Variants in CELF2 observed in about 807,000 individuals in gnomAD.
CELF2 encodes CUG triplet repeat RNA-binding protein 2.
CELF2 carries 8 observed loss-of-function variants against 62.6 expected under a neutral mutation model. That is an observed-to-expected ratio of 0.13 (90% CI 0.07 to 0.23). The LOEUF (loss-of-function observed/expected upper bound fraction) is 0.23. CELF2 is among the 10% of genes least tolerant of loss of function. The probability of loss-of-function intolerance (pLI) is 1.00; values close to 1 mark genes in which losing one functional copy is unlikely to be tolerated. For synonymous variants in CELF2, 258 were observed against 250.0 expected (o/e 1.03, Z -0.30); for missense variants, 333 against 671.0 (o/e 0.50, Z 5.56).
intron 2 of CELF2, among the ~76,000 whole-genome samples, chr10:11,195,856 G>A (rs931847144): frequency 3.9e-5 from 6 of 152,226 alleles, no homozygotes; most frequent in African/African-American, 1.4e-4. Context: ...ATGCCGAAGA[G>A]TGGGTGGACA....
chr10:10,815,589 A>G (rs2056379091), intron 1 of CELF2, among the ~76,000 whole-genome samples: 1 of 152,198 alleles, frequency 6.6e-6, no homozygotes, highest in Admixed American at 6.5e-5. Flanking sequence ...TTTCTAATGA[A>G]ACTAGTTTGT....
intron 1 of CELF2, among the ~76,000 whole-genome samples, chr10:10,835,570 AT>A (rs1484423287): frequency 1.3e-5 from 2 of 152,048 alleles, no homozygotes; most frequent in East Asian, 3.9e-4. Flanking sequence ...TTTAGCAGAT[AT>A]GGGGTTTCAC....
Position 11,075,864 on chromosome 10 carries a change from A to G in CELF2, c.74+57701A>G, listed in dbSNP as rs577621005. 8.5e-5 allele frequency among the ~76,000 whole-genome samples: 13 copies of G among 152,144 alleles called. No homozygotes were observed. The highest frequency in any genetic ancestry group is 1.6e-4 in the Non-Finnish European group (11 of 68,014). On this transcript the variant is annotated intron_variant, in intron 1 of 12. Coordinates refer to ENST00000633077, the MANE Select transcript of CELF2 (RefSeq NM_001326342.2). This position sits in a 1 kb window ranked among gnomAD's most constrained non-coding sequence, Gnocchi z 5.4. ...AATACTAGTAATCTGATTAATCTCAATTAATTAAAATGTTTAATAAACTGC... is the reference window on the plus strand; with the variant it reads ...AATACTAGTAATCTGATTAATCTCAGTTAATTAAAATGTTTAATAAACTGC...
At chr10:11,140,213 A>G (rs1036549413) in intron 1 of CELF2, among the ~76,000 whole-genome samples, 3 of 152,202 alleles carry the variant, frequency 2.0e-5, no homozygotes, top group Non-Finnish European at 2.9e-5. Flanking sequence ...CAAGAATTAT[A>G]TTAGATTTCA....
At chr10:10,630,327 A>G in the CELF2 span, among the ~76,000 whole-genome samples, 1 of 152,148 alleles carries the variant, frequency 6.6e-6, no homozygotes, top group Admixed American at 6.5e-5. Context: ...CACAATCTTT[A>G]CTGACTTTTT....
intron 1 of CELF2, among the ~76,000 whole-genome samples, chr10:11,066,435 AG>A (rs1432533688): frequency 1.3e-5 from 2 of 152,040 alleles, no homozygotes; most frequent in Non-Finnish European, 2.9e-5. Flanking sequence ...GAGGACCCGG[AG>A]ACTGGGAGAG....
chr10:10,688,860 T>G, the CELF2 span, among the ~76,000 whole-genome samples: 1 of 151,898 alleles, frequency 6.6e-6, no homozygotes, highest in African/African-American at 2.4e-5. Flanking sequence ...ATTAATTAGT[T>G]GGGTGTGGTG....
chr10:10,623,040 T>G, the CELF2 span, among the ~76,000 whole-genome samples: 5,226 of 128,082 alleles, frequency 0.041, 209 homozygotes, highest in African/African-American at 0.12. Flanking sequence ...GAGCCGAGAT[T>G]GCGCCACAGC....
At chr10:10,836,994 C>T (rs1194195059) in intron 1 of CELF2, among the ~76,000 whole-genome samples, 1 of 152,168 alleles carries the variant, frequency 6.6e-6, no homozygotes, top group African/African-American at 2.4e-5. Context: ...TTGAACTAAT[C>T]CTAAGTATTT....
At chr10:10,508,723 A>G in the CELF2 span, among the ~76,000 whole-genome samples, 2 of 144,304 alleles carry the variant, frequency 1.4e-5, no homozygotes, top group Non-Finnish European at 3.0e-5. Context: ...TTTTTTTGAG[A>G]TGGAGTCTCG....
At chr10:10,592,538 C>T in the CELF2 span, among the ~76,000 whole-genome samples, 2 of 152,184 alleles carry the variant, frequency 1.3e-5, no homozygotes, top group African/African-American at 4.8e-5. Context: ...GCTGGCTACT[C>T]ACGACTTCCT....
chr10:11,149,522 C>T (rs1482684264), intron 1 of CELF2, among the ~76,000 whole-genome samples: 2 of 152,116 alleles, frequency 1.3e-5, no homozygotes, highest in Non-Finnish European at 2.9e-5. Context: ...ATATGAGCCC[C>T]GTGGCCAGAG....
At chr10:11,040,817 C>A (rs1484765395) in intron 1 of CELF2, among the ~76,000 whole-genome samples, 2 of 152,022 alleles carry the variant, frequency 1.3e-5, no homozygotes, top group South Asian at 2.1e-4. Flanking sequence ...TTCAAATTAT[C>A]AAAAATATTC....
the CELF2 span, among the ~76,000 whole-genome samples, chr10:10,489,561 A>G: frequency 1.3e-5 from 2 of 152,138 alleles, no homozygotes; most frequent in Admixed American, 6.5e-5. Flanking sequence ...TGTATATTAG[A>G]AATGAATTCA....
At chr10:11,028,970 T>C (rs1401631827) in intron 1 of CELF2, among the ~76,000 whole-genome samples, 1 of 152,194 alleles carries the variant, frequency 6.6e-6, no homozygotes, top group Non-Finnish European at 1.5e-5. Flanking sequence ...CACCTTGGCC[T>C]TCCAAAGTTC....
chr10:10,512,975 C>T, the CELF2 span, among the ~76,000 whole-genome samples: 1 of 152,108 alleles, frequency 6.6e-6, no homozygotes, highest in Non-Finnish European at 1.5e-5. Flanking sequence ...AAGTCAAGGC[C>T]CCACAGTTCA....
chr10:10,496,345 G>A, the CELF2 span, among the ~76,000 whole-genome samples: 1 of 152,144 alleles, frequency 6.6e-6, no homozygotes, highest in Non-Finnish European at 1.5e-5. Context: ...ACCTCCTTTA[G>A]AAGCTACCTT....
chr10:11,179,650 G>A (rs925685817), intron 2 of CELF2, among the ~76,000 whole-genome samples: 5 of 152,204 alleles, frequency 3.3e-5, no homozygotes, highest in African/African-American at 1.2e-4. Context: ...GGAATACAAA[G>A]ATGACTACTG....
At chr10:11,049,647 G>C (rs1361667003) in intron 1 of CELF2, among the ~76,000 whole-genome samples, 1 of 148,824 alleles carries the variant, frequency 6.7e-6, no homozygotes, top group African/African-American at 2.5e-5. Context: ...ACTACCTCAC[G>C]CTTCCGGCAC....
Sources: gnomAD v4.1 joint callset for allele counts (sites outside exome capture counted in the v4.1 genomes callset) on GRCh38, gnomAD v4.1.1 for gene constraint, Gnocchi (gnomAD v3.1) non-coding constraint, MANE v1.5 for transcripts, NCBI Gene and HGNC (gene_info 2026-07-23, HGNC 2026-07-21) for gene names.